The following CSGALNACT1 variants were observed in gnomAD, a reference collection of about 807,000 sequenced individuals.
CSGALNACT1 encodes chondroitin sulfate N-acetylgalactosaminyltransferase 1.
Under a neutral mutation model 51.0 loss-of-function variants are expected in CSGALNACT1, and 52 were observed. The observed-to-expected ratio is 1.02, with a 90% CI of 0.82 to 1.29. The LOEUF is 1.29. CSGALNACT1 is among the 50% of genes most tolerant of loss of function. The pLI is 0.00. For missense variants in CSGALNACT1, 935 were observed against 679.2 expected, an observed-to-expected ratio of 1.38 and a Z score of -4.19; for synonymous variants, 341 against 254.4, an observed-to-expected ratio of 1.34 and a Z score of -3.24.
At chr8:19,747,585 G>A (rs6988918) in intron 1 of CSGALNACT1, among the ~76,000 whole-genome samples, 8,279 of 152,256 alleles carry the variant, frequency 0.054, 274 homozygotes, top group Admixed American at 0.075. Flanking sequence ...CAGCTTACTC[G>A]ATCCAACAAA....
chr8:19,413,042 A>AC (rs981690282), intron 8 of CSGALNACT1, among the ~76,000 whole-genome samples: 12 of 152,238 alleles, frequency 7.9e-5, no homozygotes, highest in Non-Finnish European at 1.8e-4. Context: ...AAGGTATCCT[A>AC]CATCCACAGC....
At chr8:19,604,357 C>T (rs1384218501), upstream of CSGALNACT1, among the ~76,000 whole-genome samples, 2 of 152,198 alleles carry the variant, frequency 1.3e-5, no homozygotes, top group East Asian at 1.9e-4. Flanking sequence ...TGTCCATACA[C>T]CACACAAGCT....
intron 1 of CSGALNACT1, among the ~76,000 whole-genome samples, chr8:19,608,339 T>C (rs2051698981): frequency 6.6e-6 from 1 of 152,164 alleles, no homozygotes; most frequent in South Asian, 2.1e-4. Context: ...AGTAGCGGTA[T>C]GGGGAGGGCA....
chr8:19,416,225 C>T (rs1312141937), intron 8 of CSGALNACT1, among the ~76,000 whole-genome samples: 1 of 150,252 alleles, frequency 6.7e-6, no homozygotes, highest in Non-Finnish European at 1.5e-5. Flanking sequence ...AGTGATTCTC[C>T]TGCCTCAGCC....
intron 4 of CSGALNACT1, among the ~76,000 whole-genome samples, chr8:19,476,802 G>A (rs758773668): frequency 3.3e-5 from 5 of 152,178 alleles, no homozygotes; most frequent in Non-Finnish European, 5.9e-5. Context: ...AGCAGTCCCA[G>A]TGCTCATGTC....
At chr8:19,637,094 T>C (rs2056174073) in intron 1 of CSGALNACT1, among the ~76,000 whole-genome samples, 1 of 151,998 alleles carries the variant, frequency 6.6e-6, no homozygotes, top group Non-Finnish European at 1.5e-5. Flanking sequence ...CTCACTTTAC[T>C]ACTCAGGAGG....
At chr8:19,679,853 C>G (rs973888103) in intron 1 of CSGALNACT1, among the ~76,000 whole-genome samples, 1 of 152,146 alleles carries the variant, frequency 6.6e-6, no homozygotes, top group Non-Finnish European at 1.5e-5. Flanking sequence ...TTCACACACT[C>G]TCATCTCAAT....
intron 1 of CSGALNACT1, among the ~76,000 whole-genome samples, chr8:19,664,524 C>G (rs1028488426): frequency 6.6e-6 from 1 of 152,156 alleles, no homozygotes; most frequent in Non-Finnish European, 1.5e-5. Flanking sequence ...TAAAAAGACA[C>G]CTGCCCTCCT....
At chr8:19,641,337 A>G (rs1006616735) in intron 1 of CSGALNACT1, among the ~76,000 whole-genome samples, 1 of 151,868 alleles carries the variant, frequency 6.6e-6, no homozygotes, top group Non-Finnish European at 1.5e-5. Flanking sequence ...TAATAAACCA[A>G]ATCACATCAG....
chr8:19,420,293 C>T (rs756225307), intron 7 of CSGALNACT1, 47 bp downstream of exon 6: 27 of 1,590,636 alleles, frequency 1.7e-5, no homozygotes, highest in African/African-American at 5.4e-5. Flanking sequence ...CACATGGGCC[C>T]GAGAGGGCTG....
At chr8:19,511,507 A>T (rs2078460069) in intron 3 of CSGALNACT1, among the ~76,000 whole-genome samples, 1 of 152,252 alleles carries the variant, frequency 6.6e-6, no homozygotes, top group Non-Finnish European at 1.5e-5. Context: ...AATGCTCTCA[A>T]AAATGGATAT....
chr8:19,675,149 G>A (rs149455593), intron 1 of CSGALNACT1, among the ~76,000 whole-genome samples: 2 of 152,290 alleles, frequency 1.3e-5, no homozygotes, highest in African/African-American at 4.8e-5. Context: ...GAGCTATCAT[G>A]GTAAGTGCCC....
chr8:19,701,944 T>C (rs906110085), intron 1 of CSGALNACT1, among the ~76,000 whole-genome samples: 3 of 152,228 alleles, frequency 2.0e-5, no homozygotes, highest in Non-Finnish European at 4.4e-5. Flanking sequence ...GATTCATTAA[T>C]GAAAATTCTT....
intron 1 of CSGALNACT1, among the ~76,000 whole-genome samples, chr8:19,612,407 T>C (rs1221353860): frequency 1.3e-5 from 2 of 151,784 alleles, no homozygotes; most frequent in African/African-American, 4.8e-5. Context: ...ATACACAGTG[T>C]TCTTCATCCC....
intron 3 of CSGALNACT1, among the ~76,000 whole-genome samples, chr8:19,536,903 A>G (rs770249869): frequency 2.6e-5 from 4 of 152,190 alleles, no homozygotes; most frequent in East Asian, 1.9e-4. Context: ...AAGTAATTCA[A>G]CGGGGGTAAA....
At chr8:19,656,590 C>CA (rs2058295670) in intron 1 of CSGALNACT1, among the ~76,000 whole-genome samples, 1 of 99,314 alleles carries the variant, frequency 1.0e-5, no homozygotes, top group African/African-American at 3.8e-5. Context: ...GGAGAAACTA[C>CA]GCCCCCCCCC....
At chr8:19,643,858 C>T (rs536317039) in intron 1 of CSGALNACT1, among the ~76,000 whole-genome samples, 4 of 152,120 alleles carry the variant, frequency 2.6e-5, no homozygotes, top group Non-Finnish European at 5.9e-5. Flanking sequence ...CTCAGTCACT[C>T]GGGTAAACAA....
intron 4 of CSGALNACT1, among the ~76,000 whole-genome samples, chr8:19,482,298 T>A (rs957549687): frequency 6.6e-6 from 1 of 152,224 alleles, no homozygotes; most frequent in African/African-American, 2.4e-5. Flanking sequence ...TTTAATTAAT[T>A]TTTGTTTAAA....
intron 1 of CSGALNACT1, among the ~76,000 whole-genome samples, chr8:19,613,571 T>C (rs2052596522): frequency 6.6e-6 from 1 of 152,268 alleles, no homozygotes; most frequent in Admixed American, 6.5e-5. Flanking sequence ...TTCAGCTCGT[T>C]GTTTCCACAC....
Sources: gnomAD v4.1 joint callset for allele counts (sites outside exome capture counted in the v4.1 genomes callset) on GRCh38, gnomAD v4.1.1 for gene constraint, MANE v1.5 for transcripts, NCBI Gene and HGNC (gene_info 2026-07-23, HGNC 2026-07-21) for gene names.